The following NRG1 variants were observed in gnomAD, a reference collection of about 807,000 sequenced individuals.
NRG1 encodes neuregulin 1, also known as pro-neuregulin-1, membrane-bound isoform.
A neutral mutation model predicts 63.8 loss-of-function variants in NRG1; 18 were observed. The ratio of observed to expected loss-of-function variants is 0.28; its 90% CI spans 0.19 to 0.42. The LOEUF (loss-of-function observed/expected upper bound fraction) is 0.42, where lower values mean the gene tolerates loss of function less well. Ranked by LOEUF, NRG1 falls within the 10% of genes least tolerant of loss-of-function variation. The pLI is 1.00. For missense variants in NRG1, 762 were observed against 814.7 expected, an observed-to-expected ratio of 0.94 and a Z score of 0.79; for synonymous variants, 302 against 301.3, an observed-to-expected ratio of 1.00 and a Z score of -0.02.
Position 32,639,829 on chromosome 8 carries a change from T to C in NRG1, c.502+22944T>C, listed in dbSNP as rs551229355. ...TTAAGTATAAGTCAAGTTCAATCAC[T>C]CCCATTTTTAAAACTTTGCTGAATT... On this transcript the variant is annotated intron_variant, in intron 5 of 11. Transcript: ENST00000356819. 5.9e-5 allele frequency among the ~76,000 whole-genome samples: 9 copies of C among 152,308 alleles called. No individual in the cohort carries two copies. In the South Asian group the frequency reaches 1.9e-3, roughly 32 times the overall value.
intron 1 of NRG1, among the ~76,000 whole-genome samples, chr8:31,827,535 A>G (rs1824691142): frequency 6.6e-6 from 1 of 152,226 alleles, no homozygotes; most frequent in Non-Finnish European, 1.5e-5. Context: ...GCATGGTTAA[A>G]ATTCTTGAGA....
At chr8:32,232,203 C>T (rs1401607556) in intron 1 of NRG1, among the ~76,000 whole-genome samples, 1 of 152,050 alleles carries the variant, frequency 6.6e-6, no homozygotes. Flanking sequence ...TGCACTAGGC[C>T]TTAAAATTTA....
At chr8:32,733,091 G>A (rs2129023688) in intron 6 of NRG1, among the ~76,000 whole-genome samples, 1 of 152,238 alleles carries the variant, frequency 6.6e-6, no homozygotes, top group South Asian at 2.1e-4. Context: ...ACAGGCATGA[G>A]CCACCATGCC....
At chr8:32,522,036 C>T (rs186697180) in intron 1 of NRG1, among the ~76,000 whole-genome samples, 4 of 152,278 alleles carry the variant, frequency 2.6e-5, no homozygotes, top group South Asian at 4.1e-4. Flanking sequence ...TCTACAAGCT[C>T]GGCTTTTCGG....
At chr8:32,137,530 T>C (rs764787966) in intron 1 of NRG1, among the ~76,000 whole-genome samples, 2 of 152,188 alleles carry the variant, frequency 1.3e-5, no homozygotes, top group African/African-American at 2.4e-5. Context: ...TAGATGATAT[T>C]TTCTCTCTGT....
chr8:32,308,049 C>T (rs534100873), intron 1 of NRG1, among the ~76,000 whole-genome samples: 1 of 152,150 alleles, frequency 6.6e-6, no homozygotes. Context: ...GAACCATGCT[C>T]CATTTTCAAC....
chr8:32,365,676 A>C (rs528632666), intron 1 of NRG1, among the ~76,000 whole-genome samples: 3 of 152,076 alleles, frequency 2.0e-5, no homozygotes, highest in Non-Finnish European at 4.4e-5. Context: ...CAGCTACTCA[A>C]CTCTGGCCTT....
chr8:32,457,475 C>G (rs184987294), intron 1 of NRG1, among the ~76,000 whole-genome samples: 196 of 152,202 alleles, frequency 1.3e-3, no homozygotes, highest in African/African-American at 4.6e-3. Context: ...TTCTCCAATT[C>G]AAACAATACG....
At chr8:32,186,333 C>G (rs1438595408) in intron 1 of NRG1, among the ~76,000 whole-genome samples, 1 of 151,710 alleles carries the variant, frequency 6.6e-6, no homozygotes, top group African/African-American at 2.4e-5. Context: ...TGATGGTGGG[C>G]CCCTGTAGTC....
chr8:31,806,980 T>C (rs1488947833), intron 1 of NRG1, among the ~76,000 whole-genome samples: 2 of 152,238 alleles, frequency 1.3e-5, no homozygotes, highest in Non-Finnish European at 2.9e-5. Flanking sequence ...GTCTACAGAA[T>C]ATGTGGAACA....
chr8:31,669,480 C>G (rs185729202), intron 1 of NRG1, among the ~76,000 whole-genome samples: 1 of 152,086 alleles, frequency 6.6e-6, no homozygotes, highest in Admixed American at 6.5e-5. Flanking sequence ...CTCAAGCAAC[C>G]CTTCCACCTT....
At chr8:32,704,490 C>G (rs1281506818) in intron 5 of NRG1, among the ~76,000 whole-genome samples, 1 of 152,188 alleles carries the variant, frequency 6.6e-6, no homozygotes, top group South Asian at 2.1e-4. Context: ...AAATAAAAAA[C>G]AAGCAATCAT....
chr8:31,737,041 T>C (rs1000281019), intron 1 of NRG1, among the ~76,000 whole-genome samples: 2 of 152,154 alleles, frequency 1.3e-5, no homozygotes, highest in African/African-American at 4.8e-5. Context: ...ACTCTTTCCA[T>C]CTAGGCCAAG....
chr8:31,840,906 G>A (rs752857247), intron 1 of NRG1, among the ~76,000 whole-genome samples: 10 of 151,984 alleles, frequency 6.6e-5, no homozygotes. Flanking sequence ...TTTAGGCTTG[G>A]CCTATGCTTT....
intron 1 of NRG1, among the ~76,000 whole-genome samples, chr8:32,222,316 T>C (rs1845905199): frequency 6.6e-6 from 1 of 152,186 alleles, no homozygotes; most frequent in Non-Finnish European, 1.5e-5. Context: ...CTTACTCTCT[T>C]GGCTTTTTAA....
intron 1 of NRG1, among the ~76,000 whole-genome samples, chr8:32,240,615 A>C (rs994073388): frequency 6.6e-6 from 1 of 152,094 alleles, no homozygotes; most frequent in Admixed American, 6.5e-5. Flanking sequence ...TAAATGTCAA[A>C]TCTTTGGTTA....
chr8:32,677,595 T>A (rs1807472026), intron 5 of NRG1, among the ~76,000 whole-genome samples: 1 of 151,992 alleles, frequency 6.6e-6, no homozygotes, highest in Admixed American at 6.6e-5. Flanking sequence ...GAGACGAGGT[T>A]GCACTGAGCT....
At chr8:32,691,026 A>C (rs1253024970) in intron 5 of NRG1, among the ~76,000 whole-genome samples, 1 of 148,300 alleles carries the variant, frequency 6.7e-6, no homozygotes, top group African/African-American at 2.5e-5. Context: ...ACAATCTATA[A>C]ATTTCATTTT....
At chr8:31,794,278 C>T (rs1349043709) in intron 1 of NRG1, among the ~76,000 whole-genome samples, 1 of 152,040 alleles carries the variant, frequency 6.6e-6, no homozygotes, top group East Asian at 1.9e-4. Context: ...CAGGGATAGA[C>T]CTTCTTCATA....
Sources: gnomAD v4.1 joint callset for allele counts (sites outside exome capture counted in the v4.1 genomes callset) on GRCh38, gnomAD v4.1.1 for gene constraint, MANE v1.5 for transcripts, NCBI Gene and HGNC (gene_info 2026-07-23, HGNC 2026-07-21) for gene names.